SAMD5: variants seen among roughly 807,000 people sequenced by gnomAD.
SAMD5 encodes the protein sterile alpha motif domain containing 5.
Under a neutral mutation model 11.3 loss-of-function variants are expected in SAMD5, and 13 were observed. The ratio of observed to expected loss-of-function variants is 1.15; its 90% CI spans 0.75 to 1.83. The LOEUF (loss-of-function observed/expected upper bound fraction) is 1.83, where lower values mean the gene tolerates loss of function less well. Among genes scored for constraint, SAMD5 ranks in the 40% most tolerant of loss-of-function variants. SAMD5 has a pLI of 0.00. For missense variants in SAMD5, 255 were observed against 239.1 expected, an observed-to-expected ratio of 1.07 and a Z score of -0.44; for synonymous variants, 129 against 111.3, an observed-to-expected ratio of 1.16 and a Z score of -1.00.
At chr6:147,892,562 A>G in the SAMD5 span, among the ~76,000 whole-genome samples, 2 of 152,190 alleles carry the variant, frequency 1.3e-5, no homozygotes, top group African/African-American at 4.8e-5. Context: ...GCTGCCCTGT[A>G]GGTCCTGTCT....
chr6:147,720,685 T>C (rs1791538090), intron 1 of SAMD5, among the ~76,000 whole-genome samples: 1 of 152,014 alleles, frequency 6.6e-6, no homozygotes, highest in Non-Finnish European at 1.5e-5. Flanking sequence ...AATTTCTTTT[T>C]TTTAAAGTCT....
chr6:147,512,892 T>C (rs1477442388), intron 1 of SAMD5, among the ~76,000 whole-genome samples: 3 of 152,192 alleles, frequency 2.0e-5, no homozygotes, highest in Non-Finnish European at 4.4e-5. Context: ...AAGTACATGA[T>C]ACCATGAACA....
the SAMD5 span, among the ~76,000 whole-genome samples, chr6:147,794,603 G>A: frequency 6.6e-6 from 1 of 152,080 alleles, no homozygotes; most frequent in Non-Finnish European, 1.5e-5. Context: ...TAATTTAAAA[G>A]ATGGTAAAGT....
At chr6:147,797,310 C>T in the SAMD5 span, among the ~76,000 whole-genome samples, 1 of 144,454 alleles carries the variant, frequency 6.9e-6, no homozygotes, top group Non-Finnish European at 1.5e-5. Flanking sequence ...GACTTTTCTG[C>T]ATCTATTGAG....
chr6:147,913,223 A>G, the SAMD5 span, among the ~76,000 whole-genome samples: 2 of 152,232 alleles, frequency 1.3e-5, no homozygotes, highest in African/African-American at 2.4e-5. Context: ...AAAAGAAAGG[A>G]AGAACTAGTT....
the SAMD5 span, among the ~76,000 whole-genome samples, chr6:147,766,120 A>C: frequency 6.6e-6 from 1 of 151,746 alleles, no homozygotes; most frequent in Non-Finnish European, 1.5e-5. Context: ...AAAAAACACA[A>C]AAAAAGAATT....
the SAMD5 span, among the ~76,000 whole-genome samples, chr6:147,794,801 T>C: frequency 4.6e-5 from 7 of 152,078 alleles, no homozygotes; most frequent in Non-Finnish European, 7.4e-5. Context: ...CTGCAAAGAC[T>C]TACCCTTTTA....
At chr6:147,511,676 A>C (rs969547891) in intron 1 of SAMD5, among the ~76,000 whole-genome samples, 1 of 152,134 alleles carries the variant, frequency 6.6e-6, no homozygotes, top group African/African-American at 2.4e-5. Context: ...ACACACACTG[A>C]AATAGGAATT....
intron 1 of SAMD5, among the ~76,000 whole-genome samples, chr6:147,645,816 C>T (rs1041700899): frequency 3.9e-5 from 6 of 152,164 alleles, no homozygotes; most frequent in Non-Finnish European, 5.9e-5. Flanking sequence ...GACCTTAAGA[C>T]TTGCTTTCAC....
chr6:147,653,728 T>C (rs1395069321), intron 1 of SAMD5, among the ~76,000 whole-genome samples: 4 of 152,260 alleles, frequency 2.6e-5, no homozygotes, highest in African/African-American at 9.6e-5. Context: ...TGATATTCCA[T>C]GCACTTCTTG....
chr6:147,727,501 G>A (rs1358584), intron 1 of SAMD5, among the ~76,000 whole-genome samples: 91,768 of 151,940 alleles, frequency 0.6, 27,773 homozygotes, highest in Middle Eastern at 0.73. Context: ...CTTATTCTTC[G>A]TTTTTTTCAG....
At chr6:147,786,049 G>C in the SAMD5 span, among the ~76,000 whole-genome samples, 2 of 152,192 alleles carry the variant, frequency 1.3e-5, no homozygotes, top group South Asian at 2.1e-4. Context: ...CAGCAGGAAG[G>C]CATGCTCACT....
At chr6:147,706,977 A>G (rs777199595) in intron 1 of SAMD5, among the ~76,000 whole-genome samples, 12 of 152,178 alleles carry the variant, frequency 7.9e-5, no homozygotes, top group Non-Finnish European at 1.3e-4. Flanking sequence ...ATTTTGTCCA[A>G]ATTAACTTAC....
the SAMD5 span, among the ~76,000 whole-genome samples, chr6:147,909,598 T>C: frequency 9.6e-4 from 57 of 59,574 alleles, no homozygotes; most frequent in African/African-American, 4.8e-3. Context: ...CTTTCTTTCT[T>C]TCTTTCTTTC....
chr6:147,585,396 G>T (rs1363637672), intron 1 of SAMD5, among the ~76,000 whole-genome samples: 1 of 152,126 alleles, frequency 6.6e-6, no homozygotes. Flanking sequence ...TTTCCCCAAA[G>T]TCAATAACTG....
At chr6:147,525,196 A>T (rs1305882814) in intron 1 of SAMD5, among the ~76,000 whole-genome samples, 1 of 150,706 alleles carries the variant, frequency 6.6e-6, no homozygotes, top group East Asian at 2.0e-4. Flanking sequence ...TCAAGAACTT[A>T]TTGTGGCAAT....
the SAMD5 span, among the ~76,000 whole-genome samples, chr6:147,800,519 T>G: frequency 1.3e-5 from 2 of 152,206 alleles, no homozygotes; most frequent in African/African-American, 4.8e-5. Context: ...CTGCTGTCTC[T>G]TTGTTTGTCT....
rs553614736 is a variant in SAMD5, at chr6:147,621,479, A to G, written c.162+112092A>G. Among the ~76,000 whole-genome samples the G allele has an allele frequency of 2.6e-5, 4 of 152,052 alleles. No homozygotes were observed. In the East Asian group the frequency reaches 5.8e-4, roughly 22 times the overall value. On this transcript the variant is annotated intron_variant, in intron 1 of 1. Coordinates refer to the SAMD5 transcript ENST00000566741. ...TGCTTACAGCTGCAGCCACTTCAGG[A>G]ATCCATCCAACAGCCATCCCTCCTT...
At chr6:147,785,859 A>G in the SAMD5 span, among the ~76,000 whole-genome samples, 338 of 152,324 alleles carry the variant, frequency 2.2e-3, 7 homozygotes, top group Admixed American at 0.02. Context: ...TCCCTGCCAG[A>G]TAATGACTTT....
Sources: allele counts gnomAD v4.1 joint callset (sites outside exome capture counted in the v4.1 genomes callset), GRCh38; gene constraint gnomAD v4.1.1; transcripts MANE v1.5; gene names NCBI Gene and HGNC (gene_info 2026-07-23, HGNC 2026-07-21).